The following LRMDA variants were observed in gnomAD, a reference collection of about 807,000 sequenced individuals.
The protein encoded by LRMDA is leucine-rich melanocyte differentiation-associated protein.
Under a neutral mutation model 29.8 loss-of-function variants are expected in LRMDA, and 18 were observed. That is an observed-to-expected ratio of 0.60 (90% confidence interval 0.42 to 0.90). The LOEUF (loss-of-function observed/expected upper bound fraction) is 0.90. Ranked by LOEUF, LRMDA falls within the 40% of genes least tolerant of loss-of-function variation. LRMDA has a pLI of 0.00. For synonymous variants in LRMDA, 125 were observed against 109.4 expected (o/e 1.14, Z -0.89); for missense variants, 273 against 273.9 (o/e 1.00, Z 0.02).
intron 2 of LRMDA, among the ~76,000 whole-genome samples, chr10:75,439,547 A>T (rs963809159): frequency 6.6e-6 from 1 of 152,102 alleles, no homozygotes; most frequent in African/African-American, 2.4e-5. Flanking sequence ...GTGGAAGAGG[A>T]TTTGTTTGAG....
intron 5 of LRMDA, among the ~76,000 whole-genome samples, chr10:76,167,980 A>G (rs1023823255): frequency 2.6e-5 from 4 of 151,998 alleles, no homozygotes; most frequent in African/African-American, 9.7e-5. Context: ...TTCCCTGGTT[A>G]CCTGTATTTC....
chr10:76,195,118 G>A lies in LRMDA; in HGVS notation c.517-129283G>A, dbSNP rs143626064. On this transcript the variant is annotated intron_variant, in intron 5 of 6. Transcript: ENST00000611255. ...TACTCAGTTCCTAAAATGCCAGAGG[G>A]AGTGAAAACCAGACCATTCAGCAAA... Among the ~76,000 whole-genome samples, 19 of 152,270 alleles carry A rather than the reference G, an allele frequency of 1.2e-4. No individual in the cohort carries two copies. In the East Asian group the frequency reaches 3.7e-3, roughly 29 times the overall value.
At chr10:75,929,295 A>ATGTGTGTGTGTG (rs151109175) in intron 2 of LRMDA, among the ~76,000 whole-genome samples, 36,785 of 150,942 alleles carry the variant, frequency 0.24, 4,610 homozygotes, top group South Asian at 0.4. Flanking sequence ...TGCATGATCT[A>ATGTGTGTGTGTG]TGTGTGTGTG....
intron 6 of LRMDA, among the ~76,000 whole-genome samples, chr10:76,396,756 A>G (rs764293053): frequency 4.6e-5 from 7 of 152,228 alleles, no homozygotes; most frequent in Non-Finnish European, 2.9e-5. Context: ...CTTGTCTCCA[A>G]TGGAGTTGCC....
intron 2 of LRMDA, among the ~76,000 whole-genome samples, chr10:75,922,413 G>A (rs551495669): frequency 6.6e-6 from 1 of 152,276 alleles, no homozygotes; most frequent in South Asian, 2.1e-4. Context: ...TGAGTGTCAA[G>A]ACCAGGAAAA....
chr10:75,616,646 A>G (rs1054043094), intron 2 of LRMDA, among the ~76,000 whole-genome samples: 3 of 152,194 alleles, frequency 2.0e-5, no homozygotes, highest in African/African-American at 7.2e-5. Flanking sequence ...CTATTTTCTG[A>G]TAATACAGCA....
intron 5 of LRMDA, among the ~76,000 whole-genome samples, chr10:76,171,137 C>A (rs1279639794): frequency 6.6e-6 from 1 of 152,120 alleles, no homozygotes; most frequent in Non-Finnish European, 1.5e-5. Context: ...ACCCCTTGTC[C>A]CTAAGTTTGT....
At chr10:75,934,927 T>C (rs1474007869) in intron 2 of LRMDA, among the ~76,000 whole-genome samples, 1 of 152,180 alleles carries the variant, frequency 6.6e-6, no homozygotes. Context: ...TTCACTCTCA[T>C]TGAGTCCATC....
chr10:76,200,157 T>C (rs907151337), intron 5 of LRMDA, among the ~76,000 whole-genome samples: 6 of 152,002 alleles, frequency 3.9e-5, no homozygotes, highest in Non-Finnish European at 7.4e-5. Context: ...AGAGATGATG[T>C]TTCATGATGT....
intron 2 of LRMDA, among the ~76,000 whole-genome samples, chr10:75,868,710 A>T (rs766568662): frequency 5.9e-5 from 9 of 152,110 alleles, no homozygotes; most frequent in Non-Finnish European, 8.8e-5. Context: ...GTGTGTCCAG[A>T]TGCTTGGTGT....
intron 2 of LRMDA, among the ~76,000 whole-genome samples, chr10:75,796,953 G>A (rs1843663254): frequency 6.6e-6 from 1 of 152,164 alleles, no homozygotes; most frequent in South Asian, 2.1e-4. Flanking sequence ...ATTTTTGTAA[G>A]ATTTAGGGAT....
intron 2 of LRMDA, among the ~76,000 whole-genome samples, chr10:75,501,005 A>G (rs1028569895): frequency 2.6e-5 from 4 of 152,180 alleles, no homozygotes; most frequent in Non-Finnish European, 5.9e-5. Flanking sequence ...TCTTCTTTGC[A>G]TGTTGTCTCT....
At chr10:75,770,134 T>TA (rs1346298326) in intron 2 of LRMDA, among the ~76,000 whole-genome samples, 1 of 151,338 alleles carries the variant, frequency 6.6e-6, no homozygotes, top group Non-Finnish European at 1.5e-5. Flanking sequence ...TTACAAAAAA[T>TA]AAAAAAATTA....
In LRMDA at chr10:76,317,558, A is replaced by C. The variant is rs142776931; in HGVS notation, c.517-6843A>C. Reference sequence around the variant, plus strand: ...TTTACAACTCCAAACATCCTTAATCACATTGCTAGCAAAAATTTATTGATT... The same window carrying C: ...TTTACAACTCCAAACATCCTTAATCCCATTGCTAGCAAAAATTTATTGATT... On this transcript the variant is annotated intron_variant, in intron 5 of 6. Transcript: ENST00000611255. Among the ~76,000 whole-genome samples, 730 of 152,288 alleles carry C rather than the reference A, an allele frequency of 4.8e-3. 5 individuals carry two copies. Among genetic ancestry groups the C allele is most frequent in the African/African-American group, 0.017 (687 of 41,570 alleles).
At chr10:75,796,345 T>G (rs1248161277) in intron 2 of LRMDA, among the ~76,000 whole-genome samples, 5 of 152,186 alleles carry the variant, frequency 3.3e-5, no homozygotes, top group Non-Finnish European at 5.9e-5. Flanking sequence ...TTTATCAACT[T>G]GAGGAAGTTC....
intron 5 of LRMDA, among the ~76,000 whole-genome samples, chr10:76,239,289 C>G (rs1852224118): frequency 6.6e-6 from 1 of 152,124 alleles, no homozygotes; most frequent in South Asian, 2.1e-4. Context: ...TTTCTACACA[C>G]TGCATTAGGC....
At chr10:76,422,133 C>T (rs958726675) in intron 6 of LRMDA, among the ~76,000 whole-genome samples, 11 of 152,028 alleles carry the variant, frequency 7.2e-5, no homozygotes, top group African/African-American at 2.4e-4. Context: ...GGCATATCTT[C>T]AGTCTAATTT....
intron 2 of LRMDA, among the ~76,000 whole-genome samples, chr10:75,778,398 T>C (rs1843340198): frequency 6.6e-6 from 1 of 152,178 alleles, no homozygotes; most frequent in Non-Finnish European, 1.5e-5. Context: ...ATTTTTTAAG[T>C]ATTTCAACTT....
At chr10:75,694,074 G>A (rs1459641258) in intron 2 of LRMDA, among the ~76,000 whole-genome samples, 1 of 152,204 alleles carries the variant, frequency 6.6e-6, no homozygotes, top group African/African-American at 2.4e-5. Context: ...GGAAAAAAAT[G>A]TTTGACAACA....
Sources: allele counts gnomAD v4.1 joint callset (sites outside exome capture counted in the v4.1 genomes callset), GRCh38; gene constraint gnomAD v4.1.1; transcripts MANE v1.5; gene names NCBI Gene and HGNC (gene_info 2026-07-23, HGNC 2026-07-21).